Variants in DOK6 observed in about 807,000 individuals in gnomAD.
DOK6 encodes the protein docking protein 6.
A neutral mutation model predicts 44.0 loss-of-function variants in DOK6; 22 were observed. The observed-to-expected ratio is 0.50, with a 90% CI of 0.36 to 0.71. The LOEUF (loss-of-function observed/expected upper bound fraction) is 0.71. DOK6 is among the 30% of genes least tolerant of loss of function. The probability of loss-of-function intolerance (pLI) is 0.00; values close to 1 mark genes in which losing one functional copy is unlikely to be tolerated. For missense variants in DOK6, 340 were observed against 416.4 expected (o/e 0.82, Z 1.60); for synonymous variants, 166 against 145.5 (o/e 1.14, Z -1.01).
At chr18:69,454,987 C>T (rs1599139300) in intron 1 of DOK6, among the ~76,000 whole-genome samples, 1 of 143,442 alleles carries the variant, frequency 7.0e-6, no homozygotes, top group Admixed American at 7.0e-5. Context: ...TGCAGCGCAC[C>T]AGCATGGCAC....
chr18:69,743,368 G>A (rs774277233), intron 6 of DOK6, among the ~76,000 whole-genome samples: 2 of 152,098 alleles, frequency 1.3e-5, no homozygotes, highest in Non-Finnish European at 2.9e-5. Context: ...TGACATGCAT[G>A]TGCAACATTA....
intron 1 of DOK6, chr18:69,471,627 C>G (rs1453851633): frequency 1.4e-5 from 2 of 146,280 alleles, no homozygotes; most frequent in African/African-American, 2.5e-5. Context: ...TGTGTTACAA[C>G]TGGGTGGGGG....
At chr18:69,776,507 A>G (rs535379297) in intron 7 of DOK6, among the ~76,000 whole-genome samples, 1 of 152,118 alleles carries the variant, frequency 6.6e-6, no homozygotes, top group Non-Finnish European at 1.5e-5. Flanking sequence ...CTAAGTTGGT[A>G]GAGAAAATTT....
intron 7 of DOK6, among the ~76,000 whole-genome samples, chr18:69,787,045 A>T (rs1319958901): frequency 1.4e-4 from 22 of 152,128 alleles, no homozygotes; most frequent in Admixed American, 1.4e-3. Context: ...GTGAAAACCC[A>T]TCTCTATCAA....
chr18:69,666,610 C>T (rs4243315), intron 3 of DOK6, among the ~76,000 whole-genome samples: 119,568 of 151,996 alleles, frequency 0.79, 47,513 homozygotes, highest in East Asian at 0.97. Flanking sequence ...ACCATGTTGC[C>T]ATTTGCTATT....
At chr18:69,666,715 T>C (rs1455115105) in intron 3 of DOK6, among the ~76,000 whole-genome samples, 1 of 152,090 alleles carries the variant, frequency 6.6e-6, no homozygotes, top group African/African-American at 2.4e-5. Flanking sequence ...ATGGAATGAG[T>C]TAGATGACAG....
At chr18:69,547,205 A>G (rs1234564663) in intron 1 of DOK6, among the ~76,000 whole-genome samples, 2 of 151,456 alleles carry the variant, frequency 1.3e-5, no homozygotes, top group Admixed American at 6.6e-5. Context: ...TGTTCAAGCA[A>G]TTCTCTTGCT....
At chr18:69,657,883 TTTTG>T (rs1256383765) in intron 3 of DOK6, among the ~76,000 whole-genome samples, 1 of 152,140 alleles carries the variant, frequency 6.6e-6, no homozygotes, top group African/African-American at 2.4e-5. Context: ...TGGGTGGGTT[TTTTG>T]TTTGTTTGGG....
chr18:69,718,257 C>T (rs927908215), intron 5 of DOK6, among the ~76,000 whole-genome samples: 11 of 152,298 alleles, frequency 7.2e-5, no homozygotes, highest in African/African-American at 2.6e-4. Context: ...AGGAACCTCC[C>T]TCTCTCACAG....
intron 1 of DOK6, among the ~76,000 whole-genome samples, chr18:69,494,918 G>A (rs1980838841): frequency 6.6e-6 from 1 of 152,174 alleles, no homozygotes; most frequent in Admixed American, 6.5e-5. Context: ...CACCCACTTA[G>A]CTTGGCAGGC....
intron 2 of DOK6, among the ~76,000 whole-genome samples, chr18:69,567,113 T>C (rs1273747256): frequency 1.3e-5 from 2 of 152,168 alleles, no homozygotes; most frequent in African/African-American, 4.8e-5. Flanking sequence ...CTGTGAATCG[T>C]CAAAACATGG....
At chr18:69,454,669 A>C (rs12232606) in intron 1 of DOK6, among the ~76,000 whole-genome samples, 37,329 of 116,038 alleles carry the variant, frequency 0.32, 7,230 homozygotes, top group East Asian at 0.49. Flanking sequence ...CAAATGTCCA[A>C]CAATTATAGA....
chr18:69,786,261 G>T (rs1980425751), intron 7 of DOK6, among the ~76,000 whole-genome samples: 1 of 151,964 alleles, frequency 6.6e-6, no homozygotes, highest in Non-Finnish European at 1.5e-5. Context: ...TAATAATCTA[G>T]CAAAAAAATC....
At chr18:69,415,615 A>C (rs982913567) in intron 1 of DOK6, among the ~76,000 whole-genome samples, 1 of 152,144 alleles carries the variant, frequency 6.6e-6, no homozygotes, top group Admixed American at 6.6e-5. Flanking sequence ...GAGTGCATGC[A>C]GATAGCCGTA....
rs147077201 is a variant in DOK6, at chr18:69,571,610, G to A, written c.174+7016G>A. Among the ~76,000 whole-genome samples, 63 of 151,974 alleles carry A rather than the reference G, an allele frequency of 4.1e-4. 1 individual carries two copies. The East Asian group carries it at 6.2e-3, about 15-fold the overall frequency. On this transcript the variant is annotated intron_variant, in intron 2 of 7. Coordinates refer to ENST00000382713, the MANE Select transcript of DOK6 (RefSeq NM_152721.6). ...TATTAAATCAGAGAAATAGACTTCC[G>A]GACAAAGAGTATTACCAAAGATAAA...
chr18:69,695,622 T>C (rs948132061), intron 4 of DOK6, among the ~76,000 whole-genome samples: 2 of 152,236 alleles, frequency 1.3e-5, no homozygotes, highest in African/African-American at 4.8e-5. Flanking sequence ...TCCTTCGTCA[T>C]TATAACGGAA....
chr18:69,722,596 A>C (rs1978290467), intron 5 of DOK6, among the ~76,000 whole-genome samples: 3 of 152,224 alleles, frequency 2.0e-5, no homozygotes, highest in Non-Finnish European at 4.4e-5. Context: ...AGGTCACGTA[A>C]GTCATTATTC....
chr18:69,401,169 G>A lies in DOK6; in HGVS notation c.-76G>A, dbSNP rs1323984866. ...GCGGCCGGCTGGATGCGAGACCCGCGCAGACCCGGCGGCGGACGGCGGCTC... is the reference window on the plus strand; with the variant it reads ...GCGGCCGGCTGGATGCGAGACCCGCACAGACCCGGCGGCGGACGGCGGCTC... On this transcript the variant is annotated 5_prime_UTR_variant, in exon 1 of 8. Transcript: ENST00000382713. The A allele has an allele frequency of 9.0e-6, 13 of 1,446,742 alleles. No individual in the cohort carries two copies. The highest frequency in any genetic ancestry group is 1.2e-5 in the Non-Finnish European group (13 of 1,089,842). 89.6% of individuals were successfully genotyped at this position (1,446,742 alleles called of 1,614,324 possible). A position where few individuals can be genotyped will look rare whatever the true frequency, so the allele number is the denominator to read the frequency against.
intron 2 of DOK6, among the ~76,000 whole-genome samples, chr18:69,585,644 A>G (rs142423769): frequency 5.3e-5 from 8 of 152,268 alleles, no homozygotes; most frequent in African/African-American, 1.9e-4. Flanking sequence ...TGGACAGTAT[A>G]ATTTACTGGA....
Sources: allele counts gnomAD v4.1 joint callset (sites outside exome capture counted in the v4.1 genomes callset), GRCh38; gene constraint gnomAD v4.1.1; transcripts MANE v1.5; gene names NCBI Gene and HGNC (gene_info 2026-07-23, HGNC 2026-07-21).